ANKS1B: variants seen among roughly 807,000 people sequenced by gnomAD.
ANKS1B encodes ankyrin repeat and sterile alpha motif domain-containing protein 1B.
Under a neutral mutation model 148.3 loss-of-function variants are expected in ANKS1B, and 36 were observed. The ratio of observed to expected loss-of-function variants is 0.24; its 90% CI spans 0.19 to 0.32. ANKS1B has a LOEUF of 0.32. Among genes scored for constraint, ANKS1B ranks in the 10% least tolerant of loss-of-function variants. The pLI is 1.00. For missense variants in ANKS1B, 1,157 were observed against 1,542.6 expected (o/e 0.75, Z 4.19); for synonymous variants, 542 against 560.8 (o/e 0.97, Z 0.47).
chr12:98,882,523 T>C (rs1437745399), intron 17 of ANKS1B, among the ~76,000 whole-genome samples: 1 of 152,176 alleles, frequency 6.6e-6, no homozygotes, highest in Non-Finnish European at 1.5e-5. Flanking sequence ...GTGGCAAAGA[T>C]TAATAACTGC....
chr12:99,222,883 GAA>G (rs1179509607), intron 14 of ANKS1B, among the ~76,000 whole-genome samples: 1 of 152,088 alleles, frequency 6.6e-6, no homozygotes, highest in Non-Finnish European at 1.5e-5. Context: ...TTGGGACTTG[GAA>G]AAATTCTTTT....
chr12:99,575,281 C>T (rs2097505162), intron 9 of ANKS1B, among the ~76,000 whole-genome samples: 1 of 151,998 alleles, frequency 6.6e-6, no homozygotes, highest in Non-Finnish European at 1.5e-5. Context: ...ATTTCGTATC[C>T]ATACAAACTA....
chr12:99,539,440 T>C (rs1447903470), intron 9 of ANKS1B, among the ~76,000 whole-genome samples: 4 of 152,040 alleles, frequency 2.6e-5, no homozygotes, highest in Non-Finnish European at 5.9e-5. Flanking sequence ...TATTTTAAGT[T>C]AAAAAATCAA....
chr12:98,908,968 T>C (rs1276477436), intron 17 of ANKS1B, among the ~76,000 whole-genome samples: 1 of 152,174 alleles, frequency 6.6e-6, no homozygotes, highest in African/African-American at 2.4e-5. Context: ...TGTGTGTGAT[T>C]AGATAAATGC....
chr12:99,093,662 C>CA, intron 15 of ANKS1B: 1 of 152,154 alleles, frequency 6.6e-6, no homozygotes, highest in East Asian at 1.9e-4. Context: ...GGCTAAGGAG[C>CA]CTGTGATGGT....
chr12:98,877,585 T>G (rs1471074116), intron 17 of ANKS1B, among the ~76,000 whole-genome samples: 6 of 152,184 alleles, frequency 3.9e-5, no homozygotes, highest in Non-Finnish European at 8.8e-5. Flanking sequence ...ATATTATCTC[T>G]TGTGTAAAGA....
chr12:99,227,247 C>G (rs926791590), intron 14 of ANKS1B, among the ~76,000 whole-genome samples: 1 of 152,046 alleles, frequency 6.6e-6, no homozygotes, highest in African/African-American at 2.4e-5. Flanking sequence ...GGTACCTCCC[C>G]CCTCTCTCGC....
intron 11 of ANKS1B, 65 bp downstream of exon 11, chr12:99,443,608 A>T (rs147218166): frequency 1.3e-6 from 2 of 1,529,796 alleles, no homozygotes; most frequent in East Asian, 2.3e-5. Flanking sequence ...AATATAAGTG[A>T]TGTACATGCA....
chr12:99,684,437 T>C (rs1484583607), intron 8 of ANKS1B, among the ~76,000 whole-genome samples: 1 of 150,984 alleles, frequency 6.6e-6, no homozygotes, highest in Non-Finnish European at 1.5e-5. Context: ...GAAAGATCTC[T>C]ACAAGGAAAA....
At chr12:99,250,360 T>C (rs1218475355) in intron 12 of ANKS1B, among the ~76,000 whole-genome samples, 1 of 152,166 alleles carries the variant, frequency 6.6e-6, no homozygotes, top group African/African-American at 2.4e-5. Context: ...TTACTATCTC[T>C]AGGAATTAGC....
At chr12:99,736,015 T>C (rs2059587627) in intron 8 of ANKS1B, among the ~76,000 whole-genome samples, 1 of 151,676 alleles carries the variant, frequency 6.6e-6, no homozygotes, top group African/African-American at 2.4e-5. Context: ...ACAAAAATGA[T>C]ATGATCATTG....
In ANKS1B at chr12:98,775,130, A is replaced by G. The variant is rs190750835; in HGVS notation, c.3442-1951T>C. On this transcript the variant is annotated intron_variant, in intron 24 of 26. Transcript: ENST00000683438. ...GGGAAGCCTGGGTGGATTTGGTCTC[A>G]CTTGTCCAGGAGGCACTGTCACAGG... Among the ~76,000 whole-genome samples, 894 of 152,280 alleles carry G rather than the reference A, an allele frequency of 5.9e-3. 6 individuals are homozygous for G. The highest frequency in any genetic ancestry group is 0.02 in the African/African-American group (836 of 41,566).
chr12:99,314,306 T>C (rs1283829682), intron 12 of ANKS1B, among the ~76,000 whole-genome samples: 1 of 152,138 alleles, frequency 6.6e-6, no homozygotes, highest in East Asian at 1.9e-4. Flanking sequence ...TCCTCATGGA[T>C]AGGAAAAATC....
intron 12 of ANKS1B, among the ~76,000 whole-genome samples, chr12:99,375,897 T>G (rs1339852197): frequency 6.6e-6 from 1 of 152,180 alleles, no homozygotes; most frequent in Non-Finnish European, 1.5e-5. Flanking sequence ...TCTCTCTTCC[T>G]CTAAATCCAT....
chr12:99,551,026 C>T (rs1363319339), intron 9 of ANKS1B, among the ~76,000 whole-genome samples: 1 of 152,178 alleles, frequency 6.6e-6, no homozygotes, highest in Non-Finnish European at 1.5e-5. Context: ...TGGCATCCTA[C>T]TACCAGCTCT....
chr12:99,879,294 G>T (rs138454970), intron 1 of ANKS1B, among the ~76,000 whole-genome samples: 2 of 152,198 alleles, frequency 1.3e-5, no homozygotes, highest in Non-Finnish European at 2.9e-5. Context: ...GCACAGGAAG[G>T]CAGCTAGAAG....
chr12:99,765,668 G>A (rs1338977930), intron 8 of ANKS1B, among the ~76,000 whole-genome samples: 4 of 152,018 alleles, frequency 2.6e-5, no homozygotes, highest in African/African-American at 7.3e-5. Flanking sequence ...GTAAAATATT[G>A]ACTCAGACCA....
At chr12:99,457,089 G>C (rs758319704) in intron 10 of ANKS1B, among the ~76,000 whole-genome samples, 3 of 151,960 alleles carry the variant, frequency 2.0e-5, no homozygotes, top group Non-Finnish European at 4.4e-5. Context: ...AAGCTAGAAG[G>C]GATTGGGGTT....
intron 17 of ANKS1B, among the ~76,000 whole-genome samples, chr12:98,845,899 ATTAGT>A (rs998321065): frequency 6.6e-6 from 1 of 151,728 alleles, no homozygotes; most frequent in African/African-American, 2.4e-5. Context: ...CAATTATTTA[ATTAGT>A]TTAGCTTATG....
Sources: gnomAD v4.1 joint callset for allele counts (sites outside exome capture counted in the v4.1 genomes callset) on GRCh38, gnomAD v4.1.1 for gene constraint, MANE v1.5 for transcripts, NCBI Gene and HGNC (gene_info 2026-07-23, HGNC 2026-07-21) for gene names.